Variants in ABI1 observed in about 807,000 individuals in gnomAD.
The protein encoded by ABI1 is Abelson interactor 1.
Under a neutral mutation model 54.6 loss-of-function variants are expected in ABI1, and 14 were observed. The ratio of observed to expected loss-of-function variants is 0.26; its 90% CI spans 0.17 to 0.40. The LOEUF (loss-of-function observed/expected upper bound fraction) is 0.40, where lower values mean the gene tolerates loss of function less well. ABI1 is among the 10% of genes least tolerant of loss of function. The probability of loss-of-function intolerance (pLI) is 1.00; values close to 1 mark genes in which losing one functional copy is unlikely to be tolerated. For synonymous variants in ABI1, 194 were observed against 209.3 expected (o/e 0.93, Z 0.63); for missense variants, 443 against 598.3 (o/e 0.74, Z 2.71).
At position 26,748,483 on chromosome 10, in the gene ABI1, T is replaced by G. The variant is rs1837185301; in HGVS notation, c.*87A>C. ...ATGTTCTGAAAATATGGGCACATTT[T>G]AAAACATATTAAGACAGTTCTGTTA... On this transcript the variant is annotated 3_prime_UTR_variant, in exon 11 of 11. Transcript: ENST00000376140. 5 of 1,004,390 alleles carry G rather than the reference T, an allele frequency of 5.0e-6. No individual in the cohort carries two copies. Among genetic ancestry groups the G allele is most frequent in the Non-Finnish European group, 5.6e-6 (4 of 714,566 alleles). 62.2% of individuals were successfully genotyped at this position (1,004,390 alleles called of 1,614,324 possible). A position where few individuals can be genotyped will look rare whatever the true frequency, so the allele number is the denominator to read the frequency against.
intron 1 of ABI1, among the ~76,000 whole-genome samples, chr10:26,850,424 C>T (rs753520899): frequency 3.9e-5 from 6 of 152,050 alleles, no homozygotes; most frequent in Non-Finnish European, 8.8e-5. Flanking sequence ...CTTTGGGAGG[C>T]CAAGGCAGGC....
intron 1 of ABI1, among the ~76,000 whole-genome samples, chr10:26,832,315 G>A (rs2048729427): frequency 6.6e-6 from 1 of 152,164 alleles, no homozygotes; most frequent in South Asian, 2.1e-4. Context: ...GGGCGCAGTG[G>A]CTCACTCCTG....
intron 2 of ABI1, among the ~76,000 whole-genome samples, chr10:26,803,882 A>G (rs921598127): frequency 7.9e-5 from 12 of 152,200 alleles, no homozygotes; most frequent in Admixed American, 7.2e-4. Flanking sequence ...ACTTAACCTC[A>G]AAAGAAAGAA....
At chr10:26,829,854 C>A (rs890654212) in intron 1 of ABI1, among the ~76,000 whole-genome samples, 1 of 152,050 alleles carries the variant, frequency 6.6e-6, no homozygotes, top group East Asian at 1.9e-4. Flanking sequence ...ATATTAAGTA[C>A]GAAATGCATA....
At chr10:26,832,078 T>G (rs1338996052) in intron 1 of ABI1, among the ~76,000 whole-genome samples, 1 of 152,172 alleles carries the variant, frequency 6.6e-6, no homozygotes, top group Non-Finnish European at 1.5e-5. Context: ...AATAATCCAG[T>G]TAAGCCACAA....
At chr10:26,839,444 C>T (rs537003401) in intron 1 of ABI1, among the ~76,000 whole-genome samples, 2 of 151,830 alleles carry the variant, frequency 1.3e-5, no homozygotes, top group South Asian at 2.1e-4. Flanking sequence ...TGCAGTGAGC[C>T]GAGATCATGC....
intron 2 of ABI1, among the ~76,000 whole-genome samples, chr10:26,817,319 C>T (rs1397444761): frequency 6.6e-6 from 1 of 152,072 alleles, no homozygotes; most frequent in Non-Finnish European, 1.5e-5. Flanking sequence ...ATTCAGTAAA[C>T]ACTGCAAACC....
chr10:26,808,546 A>AC (rs1330804874), intron 2 of ABI1, among the ~76,000 whole-genome samples: 1 of 151,868 alleles, frequency 6.6e-6, no homozygotes, highest in Non-Finnish European at 1.5e-5. Context: ...ACATGGTGAG[A>AC]CCCCATTTCT....
intron 2 of ABI1, among the ~76,000 whole-genome samples, chr10:26,784,804 C>T (rs565040925): frequency 2.0e-5 from 3 of 152,300 alleles, no homozygotes; most frequent in South Asian, 2.1e-4. Flanking sequence ...GCATTCAGGA[C>T]GGTCTAAAAT....
chr10:26,828,817 T>G (rs545577343), intron 1 of ABI1, among the ~76,000 whole-genome samples: 3 of 152,232 alleles, frequency 2.0e-5, no homozygotes, highest in Non-Finnish European at 4.4e-5. Context: ...GGGTGGGATA[T>G]AGCAAATCAT....
At chr10:26,839,933 T>C (rs1023425646) in intron 1 of ABI1, 46 of 582,416 alleles carry the variant, frequency 7.9e-5, no homozygotes, top group Admixed American at 1.4e-4. Context: ...GGGACCACAG[T>C]GAGCTATGAT....
chr10:26,759,164 A>T lies in ABI1; in HGVS notation c.895T>A (p.Ser299Thr), dbSNP rs957244711. 4 of 1,613,998 alleles carry T rather than the reference A, an allele frequency of 2.5e-6. No homozygotes were observed. Among genetic ancestry groups the T allele is most frequent in the Non-Finnish European group, 3.4e-6 (4 of 1,180,010 alleles). Residue 299 changes from serine (S) to threonine (T), a missense_variant, in exon 8 of 11, where the codon TCT becomes ACT. Ser to Thr is a moderately conservative substitution (Grantham distance 58). This residue lies in a region of ABI1 where 394 missense variants were observed against 484.8 expected (regional missense o/e 0.81). Coordinates refer to ENST00000376140, the MANE Select transcript of ABI1 (RefSeq NM_001012750.3). ...RQISRHNSTT[S>T]STSSGGYRRT... ...CTGTATCCACCAGAAGATGTCGAAGAAGTAGTAGAGTTGTGTCGAGATATC... is the reference window on the plus strand; with the variant it reads ...CTGTATCCACCAGAAGATGTCGAAGTAGTAGTAGAGTTGTGTCGAGATATC...
intron 10 of ABI1, among the ~76,000 whole-genome samples, chr10:26,750,624 A>G (rs1409004174): frequency 6.6e-6 from 1 of 152,186 alleles, no homozygotes; most frequent in South Asian, 2.1e-4. Flanking sequence ...AGTAAAGTCA[A>G]TAGAAGGAAA....
chr10:26,769,061 G>A, intron 5 of ABI1, 69 bp from the exon 6 acceptor site: 2 of 1,239,670 alleles, frequency 1.6e-6, no homozygotes, highest in Non-Finnish European at 2.2e-6. Context: ...CCAAAAATAT[G>A]TGAGTCTCCC....
chr10:26,790,403 C>A (rs1843267068), intron 2 of ABI1: 1 of 151,856 alleles, frequency 6.6e-6, no homozygotes, highest in South Asian at 2.1e-4. Flanking sequence ...AATTTTTTTT[C>A]AAATGATTGT....
In ABI1 at chr10:26,746,740, C is replaced by CTGTT. The variant is rs1402554250; in HGVS notation, c.*1826_*1829dup. The CTGTT allele has an allele frequency of 8.6e-6, 4 of 467,526 alleles. No individual in the cohort carries two copies. The highest frequency in any genetic ancestry group is 5.8e-5 in the African/African-American group (3 of 51,410). The allele number at this position is 467,526 out of a possible 1,614,324, so 29.0% of individuals were successfully genotyped here. ...ATGGTTATATGTGGTATTGTTTACACTGTTAATATCCACATGTAAGGCCAT... is the reference window on the plus strand; with the variant it reads ...ATGGTTATATGTGGTATTGTTTACACTGTTTGTTAATATCCACATGTAAGGCCAT... On this transcript the variant is annotated 3_prime_UTR_variant, in exon 11 of 11. Coordinates refer to ENST00000376140, the MANE Select transcript of ABI1 (RefSeq NM_001012750.3).
In ABI1 at chr10:26,760,756, G is replaced by A. The variant is rs558839791; in HGVS notation, c.821-1518C>T. Among the ~76,000 whole-genome samples, 14 of 152,026 alleles carry A rather than the reference G, an allele frequency of 9.2e-5. No homozygotes were observed. The East Asian group carries it at 2.7e-3, about 30-fold the overall frequency. On this transcript the variant is annotated intron_variant, in intron 7 of 10. Transcript: ENST00000376140. ...AATACAACAATTAGCTGGGCATGGAGGCATATGCCTGTAATCCCAGCTACT... is the reference window on the plus strand; with the variant it reads ...AATACAACAATTAGCTGGGCATGGAAGCATATGCCTGTAATCCCAGCTACT...
chr10:26,808,840 G>C (rs2047040787), intron 2 of ABI1, among the ~76,000 whole-genome samples: 1 of 152,120 alleles, frequency 6.6e-6, no homozygotes, highest in African/African-American at 2.4e-5. Flanking sequence ...GGAGGGGACA[G>C]GGAGGGGAGG....
intron 1 of ABI1, among the ~76,000 whole-genome samples, chr10:26,827,707 C>T (rs564691552): frequency 2.0e-5 from 3 of 152,144 alleles, no homozygotes; most frequent in African/African-American, 7.2e-5. Flanking sequence ...ATTCTCCTGC[C>T]TCAGCTTCCC....
Sources: allele counts gnomAD v4.1 joint callset (sites outside exome capture counted in the v4.1 genomes callset), GRCh38; gene constraint gnomAD v4.1.1; regional missense constraint gnomAD v4.1.1; transcripts MANE v1.5; gene names NCBI Gene and HGNC (gene_info 2026-07-23, HGNC 2026-07-21).